The following MICU1 variants were observed in gnomAD, a reference collection of about 807,000 sequenced individuals.
MICU1 encodes mitochondrial calcium uptake 1.
In MICU1, 45 loss-of-function variants were observed where a neutral mutation model predicts 56.8. The observed-to-expected ratio is 0.79, with a 90% CI of 0.62 to 1.02. The LOEUF (loss-of-function observed/expected upper bound fraction) is 1.02. Among genes scored for constraint, MICU1 ranks in the 50% least tolerant of loss-of-function variants. MICU1 has a pLI of 0.00. For synonymous variants in MICU1, 186 were observed against 195.1 expected (o/e 0.95, Z 0.39); for missense variants, 504 against 587.1 (o/e 0.86, Z 1.46).
chr10:72,597,154 G>A (rs779623854), intron 1 of MICU1, among the ~76,000 whole-genome samples: 16 of 151,926 alleles, frequency 1.1e-4, no homozygotes, highest in Non-Finnish European at 1.5e-4. Flanking sequence ...GGCATTTTCC[G>A]TTTATAAACA....
chr10:72,592,874 C>G (rs1841267971), intron 1 of MICU1, among the ~76,000 whole-genome samples: 1 of 151,596 alleles, frequency 6.6e-6, no homozygotes, highest in African/African-American at 2.4e-5. Context: ...CCTCTGCCTC[C>G]CGGGTTCAAG....
At chr10:72,484,487 T>C (rs1433255907) in intron 6 of MICU1, among the ~76,000 whole-genome samples, 1 of 152,034 alleles carries the variant, frequency 6.6e-6, no homozygotes, top group Non-Finnish European at 1.5e-5. Context: ...CGTTGTATCA[T>C]GATTCTCCAC....
In MICU1 at chr10:72,551,331, T is replaced by A; in HGVS notation, c.341A>T (p.Tyr114Phe). 6.2e-7 allele frequency: 1 copy of A among 1,605,464 alleles called. No homozygotes were observed. ...SGFRDRKVME[Y>F]ENRIRAYSTP... ...GGAGTAGGCTCGAATCCTATTCTCATATTCCATCACCTAAAGTTAGAAATT... is the reference window on the plus strand; with the variant it reads ...GGAGTAGGCTCGAATCCTATTCTCAAATTCCATCACCTAAAGTTAGAAATT... The change falls in exon 4 of 12, where the codon TAT becomes TTT. Residue 114 changes from tyrosine (Y) to phenylalanine (F), a missense_variant. Transcript: ENST00000361114.
intron 9 of MICU1, among the ~76,000 whole-genome samples, chr10:72,422,567 G>A (rs185920227): frequency 1.6e-3 from 241 of 152,070 alleles, no homozygotes; most frequent in South Asian, 4.8e-3. Flanking sequence ...CCTCTCAAAG[G>A]TCACCAATTA....
chr10:72,478,015 T>C (rs780679376), intron 6 of MICU1, among the ~76,000 whole-genome samples: 3 of 152,008 alleles, frequency 2.0e-5, no homozygotes, highest in Non-Finnish European at 2.9e-5. Flanking sequence ...ATTACAGGCA[T>C]GTACAACCAT....
intron 8 of MICU1, among the ~76,000 whole-genome samples, chr10:72,437,697 A>C (rs1864778028): frequency 6.6e-6 from 1 of 152,216 alleles, no homozygotes; most frequent in Non-Finnish European, 1.5e-5. Flanking sequence ...AAAGGGATGG[A>C]GGAAGATCTA....
chr10:72,523,577 T>A (rs1867885316), intron 5 of MICU1, among the ~76,000 whole-genome samples: 1 of 152,130 alleles, frequency 6.6e-6, no homozygotes, highest in African/African-American at 2.4e-5. Flanking sequence ...ACTGTAAAAA[T>A]AAAGAGCACC....
rs897382350 is a variant in MICU1 at position 72,367,926 on chromosome 10, G to C, written c.*269C>G. The C allele has an allele frequency of 7.9e-6, 3 of 379,138 alleles. No individual in the cohort carries two copies. In the East Asian group the frequency reaches 1.2e-4, roughly 15 times the overall value. The allele number at this position is 379,138 out of a possible 1,614,324, so 23.5% of individuals were successfully genotyped here. On this transcript the variant is annotated 3_prime_UTR_variant, in exon 12 of 12. Coordinates refer to ENST00000361114, the MANE Select transcript of MICU1 (RefSeq NM_001195518.2). ...TCTTTATCCACAGGATGCTTGAATG[G>C]GTGGTGCTGTTGAGGCTGACAAATG...
chr10:72,447,187 G>C (rs765922740), intron 8 of MICU1, among the ~76,000 whole-genome samples: 1 of 152,130 alleles, frequency 6.6e-6, no homozygotes, highest in Non-Finnish European at 1.5e-5. Flanking sequence ...CAAACTATAA[G>C]GCCTGAAGTT....
intron 10 of MICU1, among the ~76,000 whole-genome samples, chr10:72,402,198 G>C (rs1863477379): frequency 6.6e-6 from 1 of 151,524 alleles, no homozygotes; most frequent in Non-Finnish European, 1.5e-5. Flanking sequence ...ACTCAGAACA[G>C]CCTGAGGTAT....
intron 1 of MICU1, among the ~76,000 whole-genome samples, chr10:72,611,274 G>A (rs1841840231): frequency 6.7e-6 from 1 of 148,232 alleles, no homozygotes; most frequent in African/African-American, 2.5e-5. Flanking sequence ...CTGCACTCCA[G>A]CCTGGGAGAC....
intron 5 of MICU1, among the ~76,000 whole-genome samples, chr10:72,517,266 T>C (rs1000728155): frequency 1.3e-5 from 2 of 152,164 alleles, no homozygotes; most frequent in Non-Finnish European, 2.9e-5. Flanking sequence ...GCAATCCCAC[T>C]ACTGGGTATT....
At chr10:72,502,346 G>A (rs1464035201) in intron 6 of MICU1, among the ~76,000 whole-genome samples, 1 of 151,854 alleles carries the variant, frequency 6.6e-6, no homozygotes, top group Non-Finnish European at 1.5e-5. Flanking sequence ...AGTGGAGATG[G>A]GGTTTCGCCA....
chr10:72,506,004 A>AAAAAC (rs1554882631), intron 6 of MICU1, among the ~76,000 whole-genome samples: 39 of 151,648 alleles, frequency 2.6e-4, no homozygotes, highest in African/African-American at 9.5e-4. Flanking sequence ...AGCAAAAAAA[A>AAAAAC]AAAAAAACTA....
chr10:72,462,215 TTTTC>T (rs1323310554), intron 8 of MICU1, among the ~76,000 whole-genome samples: 2 of 151,274 alleles, frequency 1.3e-5, no homozygotes, highest in African/African-American at 4.9e-5. Flanking sequence ...ATTTCTTTTC[TTTTC>T]TTTTTTTTTT....
At chr10:72,550,162 C>T (rs974253188) in intron 4 of MICU1, among the ~76,000 whole-genome samples, 2 of 152,022 alleles carry the variant, frequency 1.3e-5, no homozygotes, top group East Asian at 1.9e-4. Flanking sequence ...AAGTATACAA[C>T]GTTTATAAAA....
intron 1 of MICU1, among the ~76,000 whole-genome samples, chr10:72,588,779 C>T (rs958462921): frequency 2.6e-5 from 4 of 152,070 alleles, no homozygotes; most frequent in African/African-American, 7.2e-5. Context: ...TGCTAGATGC[C>T]GGCAGCACCA....
intron 1 of MICU1, among the ~76,000 whole-genome samples, chr10:72,612,697 C>T (rs146519040): frequency 8.6e-5 from 13 of 151,874 alleles, no homozygotes; most frequent in African/African-American, 2.7e-4. Context: ...GCTATTCAGG[C>T]GGCTGAGGCA....
intron 4 of MICU1, among the ~76,000 whole-genome samples, chr10:72,535,620 G>A (rs900165008): frequency 6.6e-6 from 1 of 152,098 alleles, no homozygotes; most frequent in Non-Finnish European, 1.5e-5. Context: ...CCACACTTCA[G>A]TGTATCCTTG....
Sources: gnomAD v4.1 joint callset for allele counts (sites outside exome capture counted in the v4.1 genomes callset) on GRCh38, gnomAD v4.1.1 for gene constraint, MANE v1.5 for transcripts, NCBI Gene and HGNC (gene_info 2026-07-23, HGNC 2026-07-21) for gene names.